Variants in CHCHD5 observed in about 807,000 individuals in gnomAD.
CHCHD5 encodes the protein coiled-coil-helix-coiled-coil-helix domain containing 5.
CHCHD5 carries 10 observed loss-of-function variants against 16.0 expected under a neutral mutation model. That is an observed-to-expected ratio of 0.63 (90% confidence interval 0.39 to 1.06). CHCHD5 has a LOEUF of 1.06. Ranked by LOEUF, CHCHD5 falls within the 50% of genes least tolerant of loss-of-function variation. CHCHD5 has a pLI of 0.01. For missense variants in CHCHD5, 163 were observed against 153.4 expected (o/e 1.06, Z -0.33); for synonymous variants, 55 against 56.3 (o/e 0.98, Z 0.10).
At chr2:112,588,825 C>G in intron 3 of CHCHD5, 41 bp from the exon 4 acceptor site, 1 of 1,570,150 alleles carries the variant, frequency 6.4e-7, no homozygotes, top group Non-Finnish European at 8.8e-7. Flanking sequence ...AGGCTGGGCA[C>G]AGAGGAGGTG....
At position 112,584,614 on chromosome 2, in the gene CHCHD5, C is replaced by T; in HGVS notation, c.-34C>T. On this transcript the variant is annotated 5_prime_UTR_variant, in exon 1 of 4. Coordinates refer to ENST00000324913, the MANE Select transcript of CHCHD5 (RefSeq NM_032309.4). ...GATACCGGAAAAGGCGGGTCGTTCCCCCCGGACAGCCCTACGCCGGCAAAG... is the reference window on the plus strand; with the variant it reads ...GATACCGGAAAAGGCGGGTCGTTCCTCCCGGACAGCCCTACGCCGGCAAAG... The T allele has an allele frequency of 1.2e-6, 2 of 1,611,864 alleles. No homozygotes were observed. The highest frequency in any genetic ancestry group is 1.7e-6 in the Non-Finnish European group (2 of 1,179,944).
In CHCHD5 at chr2:112,585,770, T is replaced by C. The variant is rs572451409; in HGVS notation, c.3-204T>C. Among the ~76,000 whole-genome samples, 5 of 152,288 alleles carry C rather than the reference T, an allele frequency of 3.3e-5. No individual in the cohort carries two copies. In the East Asian group the frequency reaches 5.8e-4, roughly 18 times the overall value. On this transcript the variant is annotated intron_variant, in intron 1 of 3. Transcript: ENST00000324913. ...AAAATTAGCTGGGCATGGTGGCTCA[T>C]GCCTGTGGTCCCAGCTACTTAGGAG... is the stretch of plus-strand genomic sequence containing the variant.
upstream of CHCHD5, chr2:112,584,570 G>C: frequency 6.3e-7 from 1 of 1,598,108 alleles, no homozygotes; most frequent in Non-Finnish European, 8.6e-7. Context: ...AGGCTGGGCT[G>C]GGCGCCGCCA....
intron 1 of CHCHD5, chr2:112,585,058 AC>A (rs1291156572): frequency 1.8e-5 from 4 of 217,394 alleles, no homozygotes; most frequent in African/African-American, 2.2e-5. Flanking sequence ...TCTGCCTGGG[AC>A]CCCAGTCCTC....
At chr2:112,584,827 G>C in intron 1 of CHCHD5, 178 bp downstream of exon 1, 1 of 707,936 alleles carries the variant, frequency 1.4e-6, no homozygotes, top group Middle Eastern at 2.4e-4. Context: ...CCCAAGCCCC[G>C]CCCTCTAAGC....
upstream of CHCHD5, chr2:112,584,567 G>T (rs1685143248): frequency 4.4e-6 from 7 of 1,592,582 alleles, no homozygotes; most frequent in Non-Finnish European, 6.0e-6. Context: ...ACCAGGCTGG[G>T]CTGGGCGCCG....
Position 112,585,965 on chromosome 2 carries a change from G to A in CHCHD5, c.3-9G>A. 6.2e-7 allele frequency: 1 copy of A among 1,612,528 alleles called. No individual in the cohort carries two copies. Among genetic ancestry groups the A allele is most frequent in the East Asian group, 2.2e-5 (1 of 44,804 alleles). On this transcript the variant is annotated splice_polypyrimidine_tract_variant and intron_variant, in intron 1 of 3. Coordinates refer to ENST00000324913, the MANE Select transcript of CHCHD5 (RefSeq NM_032309.4). ...CCTGGAATGATCCTCAGCCCATCCT[G>A]TCCCACAGGCAGGCGGCCCTAGAGG...
At chr2:112,585,463 ACT>A (rs748998192) in intron 1 of CHCHD5, among the ~76,000 whole-genome samples, 45 of 151,066 alleles carry the variant, frequency 3.0e-4, no homozygotes, top group Non-Finnish European at 5.3e-4. Flanking sequence ...TAGAACCTCC[ACT>A]CTCTCCCCAG....
intron 1 of CHCHD5, among the ~76,000 whole-genome samples, chr2:112,585,421 A>G (rs1244346069): frequency 6.6e-6 from 1 of 152,166 alleles, no homozygotes; most frequent in African/African-American, 2.4e-5. Flanking sequence ...TAGGACCCTG[A>G]AGGCCTACCT....
chr2:112,584,574 G>A, upstream of CHCHD5: 1 of 1,601,648 alleles, frequency 6.2e-7, no homozygotes, highest in Non-Finnish European at 8.5e-7. Flanking sequence ...TGGGCTGGGC[G>A]CCGCCATGAC....
At chr2:112,586,741 G>T (rs1420576485) in intron 3 of CHCHD5, 2 of 786,132 alleles carry the variant, frequency 2.5e-6, no homozygotes, top group East Asian at 2.7e-5. Context: ...CCAGGTCCTT[G>T]CTGGGTTCTC....
At chr2:112,586,862 A>AG in intron 3 of CHCHD5, 1 of 376,782 alleles carries the variant, frequency 2.7e-6, no homozygotes, top group Non-Finnish European at 4.8e-6. Context: ...GGCCAAAAAA[A>AG]GGTCACTCTT....
At chr2:112,587,742 C>T (rs1161540621) in intron 3 of CHCHD5, 1 of 152,260 alleles carries the variant, frequency 6.6e-6, no homozygotes, top group Non-Finnish European at 1.5e-5. Flanking sequence ...ACTACGACCC[C>T]TGAGAGCCGG....
intron 3 of CHCHD5, 141 bp from the exon 4 acceptor site, chr2:112,588,725 C>A: frequency 1.5e-6 from 1 of 665,250 alleles, no homozygotes; most frequent in South Asian, 1.8e-5. Flanking sequence ...TTTCACATGG[C>A]TCAGGGCCAA....
At chr2:112,584,674 ATAC>A in intron 1 of CHCHD5, 25 bp downstream of exon 1, 1 of 1,613,746 alleles carries the variant, frequency 6.2e-7, no homozygotes, top group Non-Finnish European at 8.5e-7. Context: ...CGCCTACCCC[ATAC>A]GTGCTGCCGC....
rs371511842 is a variant in CHCHD5, at chr2:112,588,895, C to T, written c.*6C>T. ...AGCCACTTCCTGCCTCCTGAGGACTCCTCTGACGGCAGGAAAACTGGACAT... is the reference window on the plus strand; with the variant it reads ...AGCCACTTCCTGCCTCCTGAGGACTTCTCTGACGGCAGGAAAACTGGACAT... On this transcript the variant is annotated 3_prime_UTR_variant, in exon 4 of 4. Coordinates refer to ENST00000324913, the MANE Select transcript of CHCHD5 (RefSeq NM_032309.4). 1 of 1,610,596 alleles carries T rather than the reference C, an allele frequency of 6.2e-7. No individual in the cohort carries two copies. Among genetic ancestry groups the T allele is most frequent in the Non-Finnish European group, 8.5e-7 (1 of 1,177,054 alleles).
chr2:112,586,465 C>A (rs1197121812), intron 3 of CHCHD5, 100 bp downstream of exon 3: 2 of 1,575,012 alleles, frequency 1.3e-6, no homozygotes, highest in East Asian at 4.7e-5. Flanking sequence ...CTCAGCCCCA[C>A]CCCATCACCA....
At chr2:112,586,154 A>C in intron 2 of CHCHD5, 40 bp downstream of exon 2, 1 of 734,656 alleles carries the variant, frequency 1.4e-6, no homozygotes, top group Non-Finnish European at 2.3e-6. Flanking sequence ...GGGGGTGGGC[A>C]GTGGGGTGGG....
At chr2:112,588,752 C>A in intron 3 of CHCHD5, 114 bp from the exon 4 acceptor site, 1 of 820,356 alleles carries the variant, frequency 1.2e-6, no homozygotes, top group Non-Finnish European at 2.1e-6. Context: ...TGCCCAACAC[C>A]CTTCTCCCTC....
Sources: gnomAD v4.1 joint callset for allele counts (sites outside exome capture counted in the v4.1 genomes callset) on GRCh38, gnomAD v4.1.1 for gene constraint, MANE v1.5 for transcripts, NCBI Gene and HGNC (gene_info 2026-07-23, HGNC 2026-07-21) for gene names.